CNGB3: variants seen among roughly 807,000 people sequenced by gnomAD.
The protein encoded by CNGB3 is cyclic nucleotide-gated channel beta-3.
CNGB3 carries 86 observed loss-of-function variants against 92.8 expected under a neutral mutation model. That is an observed-to-expected ratio of 0.93 (90% CI 0.78 to 1.11). The LOEUF is 1.11. Ranked by LOEUF, CNGB3 falls within the 50% of genes least tolerant of loss-of-function variation. The pLI, the probability that CNGB3 is intolerant of heterozygous loss-of-function variation, is 0.00. For synonymous variants in CNGB3, 333 were observed against 332.7 expected (o/e 1.00, Z -0.01); for missense variants, 1,026 against 956.8 (o/e 1.07, Z -0.95).
intron 8 of CNGB3, 115 bp from the exon 9 acceptor site, chr8:86,644,801 T>C (rs1823266393): frequency 1.1e-5 from 8 of 739,578 alleles, no homozygotes; most frequent in Non-Finnish European, 1.5e-5. Context: ...ATATGTCTTT[T>C]TAAAAAAACC....
chr8:86,621,163 T>C (rs571800984), intron 13 of CNGB3, among the ~76,000 whole-genome samples: 97 of 152,318 alleles, frequency 6.4e-4, no homozygotes, highest in South Asian at 1.4e-3. Context: ...AAGTCATTGG[T>C]ATCTAATTTA....
At chr8:86,580,184 A>G (rs572683391) in intron 15 of CNGB3, among the ~76,000 whole-genome samples, 27 of 61,312 alleles carry the variant, frequency 4.4e-4, no homozygotes, top group African/African-American at 1.4e-3. Context: ...TATCACGAGA[A>G]TAGCACGGGG....
rs1825375801 is a variant in CNGB3 at position 86,743,490 on chromosome 8, A to G, written c.129+9T>C. On this transcript the variant is annotated intron_variant, in intron 1 of 17. Coordinates refer to ENST00000320005, the MANE Select transcript of CNGB3 (RefSeq NM_019098.5). ...AATCAAGGCTTGCATAGGAATGTAG[A>G]GGACATACCTGTGCTGTGGTTTGCT... The G allele has an allele frequency of 6.2e-7, 1 of 1,613,910 alleles. No individual in the cohort carries two copies. Among genetic ancestry groups the G allele is most frequent in the South Asian group, 1.1e-5 (1 of 91,084 alleles).
chr8:86,611,734 A>G (rs1035474610), intron 13 of CNGB3, 63 bp from the exon 14 acceptor site: 3 of 1,155,740 alleles, frequency 2.6e-6, no homozygotes, highest in Non-Finnish European at 3.9e-6. Flanking sequence ...AAATGAATTC[A>G]AAACTCAATG....
At chr8:86,601,712 G>A (rs1462714713) in intron 15 of CNGB3, among the ~76,000 whole-genome samples, 1 of 152,174 alleles carries the variant, frequency 6.6e-6, no homozygotes, top group Non-Finnish European at 1.5e-5. Flanking sequence ...GCATATGACA[G>A]CTGTGGGCCT....
rs1463570589 is a variant in CNGB3 at position 86,679,106 on chromosome 8, T to C, written c.339-8008A>G. On this transcript the variant is annotated intron_variant, in intron 3 of 17. Coordinates refer to ENST00000320005, the MANE Select transcript of CNGB3 (RefSeq NM_019098.5). ...CTGAAAATTGGTGTCTTGGGGAAGT[T>C]ATGAGGTGCATTTTGAACATCTCAT... is the stretch of plus-strand genomic sequence containing the variant. 2.0e-5 allele frequency among the ~76,000 whole-genome samples: 3 copies of C among 152,110 alleles called. No individual in the cohort carries two copies. The East Asian group carries it at 5.8e-4, about 29-fold the overall frequency.
intron 1 of CNGB3, 69 bp downstream of exon 1, chr8:86,743,430 T>A: frequency 6.4e-7 from 1 of 1,573,914 alleles, no homozygotes; most frequent in Non-Finnish European, 8.7e-7. Context: ...ATCGTAGCAG[T>A]GATTAAATGC....
At chr8:86,672,602 C>T (rs1022299384) in intron 3 of CNGB3, among the ~76,000 whole-genome samples, 1 of 152,136 alleles carries the variant, frequency 6.6e-6, no homozygotes, top group African/African-American at 2.4e-5. Flanking sequence ...CCCTTCCCAT[C>T]TCACCTCCAA....
At chr8:86,591,598 C>T (rs200929479) in intron 15 of CNGB3, among the ~76,000 whole-genome samples, 7 of 151,918 alleles carry the variant, frequency 4.6e-5, no homozygotes, top group Non-Finnish European at 8.8e-5. Flanking sequence ...AGTACCCTGC[C>T]GTGTGAGGTG....
chr8:86,629,310 G>A (rs568908404), intron 11 of CNGB3, among the ~76,000 whole-genome samples: 2 of 152,150 alleles, frequency 1.3e-5, no homozygotes, highest in Admixed American at 1.3e-4. Context: ...AAAATATTGG[G>A]CAAATTATAT....
chr8:86,576,258 A>G (rs1463103609), intron 17 of CNGB3, 128 bp from the exon 18 acceptor site: 2 of 1,012,458 alleles, frequency 2.0e-6, no homozygotes, highest in East Asian at 4.8e-5. Context: ...GAATCCAGGA[A>G]TCATGTCTGC....
At chr8:86,727,075 A>G (rs1477575640) in intron 2 of CNGB3, among the ~76,000 whole-genome samples, 1 of 152,202 alleles carries the variant, frequency 6.6e-6, no homozygotes, top group Non-Finnish European at 1.5e-5. Flanking sequence ...ATTCTAACAC[A>G]ATGGTCAGTC....
chr8:86,629,606 A>T (rs1313229135), intron 11 of CNGB3, among the ~76,000 whole-genome samples: 2 of 152,208 alleles, frequency 1.3e-5, no homozygotes, highest in Admixed American at 6.5e-5. Flanking sequence ...GACTCAATTC[A>T]TCATGAAATT....
At chr8:86,597,565 T>A (rs528160963) in intron 15 of CNGB3, among the ~76,000 whole-genome samples, 2 of 152,106 alleles carry the variant, frequency 1.3e-5, no homozygotes, top group Admixed American at 6.5e-5. Context: ...GAAGCTGAGA[T>A]CTTGGTAAAA....
intron 3 of CNGB3, among the ~76,000 whole-genome samples, chr8:86,725,010 G>A (rs1181705722): frequency 6.6e-6 from 1 of 152,080 alleles, no homozygotes; most frequent in Non-Finnish European, 1.5e-5. Context: ...TGACCCCTGG[G>A]TAATTGAAAG....
rs111555715 is a variant in CNGB3, at chr8:86,739,555, A to T, written c.211+100T>A. ...ACCTCAGTATGACCCTAGATAATTC[A>T]CCTAGTCAAGGACAAATATTTCATC... On this transcript the variant is annotated intron_variant, in intron 2 of 17. Coordinates refer to ENST00000320005, the MANE Select transcript of CNGB3 (RefSeq NM_019098.5). The T allele has an allele frequency of 1.9e-6, 3 of 1,544,370 alleles. No individual in the cohort carries two copies. In the East Asian group the frequency reaches 7.0e-5, roughly 36 times the overall value.
At chr8:86,661,649 T>A in intron 6 of CNGB3, 1 of 847,620 alleles carries the variant, frequency 1.2e-6, no homozygotes, top group Non-Finnish European at 2.0e-6. Context: ...GTGATTTAAG[T>A]ATTTTATATC....
Position 86,731,898 on chromosome 8 carries a change from T to A in CNGB3, c.212-5241A>T, listed in dbSNP as rs538095211. The stretch of plus-strand genomic sequence containing the variant: ...TTCAGGTCTTCATAGCACTGACGTA[T>A]GTGGGGCATGATACAAAAACTTCCA... On this transcript the variant is annotated intron_variant, in intron 2 of 17. Coordinates refer to ENST00000320005, the MANE Select transcript of CNGB3 (RefSeq NM_019098.5). Among the ~76,000 whole-genome samples, 6 of 152,262 alleles carry A rather than the reference T, an allele frequency of 3.9e-5. No individual in the cohort carries two copies. The South Asian group carries it at 1.2e-3, about 32-fold the overall frequency.
At chr8:86,693,432 ATTAT>A (rs1554615923) in intron 3 of CNGB3, among the ~76,000 whole-genome samples, 58 of 138,086 alleles carry the variant, frequency 4.2e-4, no homozygotes, top group South Asian at 9.0e-4. Flanking sequence ...TATTATTATT[ATTAT>A]TTATTTATTT....
Sources: gnomAD v4.1 joint callset for allele counts (sites outside exome capture counted in the v4.1 genomes callset) on GRCh38, gnomAD v4.1.1 for gene constraint, MANE v1.5 for transcripts, NCBI Gene and HGNC (gene_info 2026-07-23, HGNC 2026-07-21) for gene names.